ASH1L: variants seen among roughly 807,000 people sequenced by gnomAD.
The protein encoded by ASH1L is histone-lysine N-methyltransferase ASH1L.
ASH1L carries 23 observed loss-of-function variants against 269.0 expected under a neutral mutation model. The ratio of observed to expected loss-of-function variants is 0.09; its 90% CI spans 0.06 to 0.12. ASH1L has a LOEUF of 0.12. Among genes scored for constraint, ASH1L ranks in the 10% least tolerant of loss-of-function variants. ASH1L has a pLI of 1.00. For missense variants in ASH1L, 2,912 were observed against 3,567.8 expected, an observed-to-expected ratio of 0.82 and a Z score of 4.68; for synonymous variants, 1,187 against 1,253.5, an observed-to-expected ratio of 0.95 and a Z score of 1.12.
At chr1:155,395,056 C>A (rs1419051499) in intron 7 of ASH1L, among the ~76,000 whole-genome samples, 2 of 152,096 alleles carry the variant, frequency 1.3e-5, no homozygotes, top group African/African-American at 4.8e-5. Context: ...CTCACCTCAG[C>A]CTCCAGAGTG....
intron 3 of ASH1L, among the ~76,000 whole-genome samples, chr1:155,471,233 C>T (rs1665075184): frequency 6.6e-6 from 1 of 152,224 alleles, no homozygotes; most frequent in Non-Finnish European, 1.5e-5. Context: ...AAGAATATAG[C>T]TGGTCTTTGT....
intron 21 of ASH1L, 117 bp from the exon 22 acceptor site, chr1:155,344,390 G>T: frequency 2.7e-6 from 2 of 729,756 alleles, no homozygotes; most frequent in Non-Finnish European, 4.5e-6. Flanking sequence ...ATATACCACA[G>T]ATATACAAAA....
chr1:155,413,328 A>G (rs866580488), intron 6 of ASH1L, among the ~76,000 whole-genome samples: 5 of 152,034 alleles, frequency 3.3e-5, no homozygotes, highest in South Asian at 2.1e-4. Context: ...AGCATGGGCC[A>G]GGCATGGTGG....
Position 155,385,149 on chromosome 1 carries a change from T to A in ASH1L, c.6104-5033A>T, listed in dbSNP as rs546546278. On this transcript the variant is annotated intron_variant, in intron 7 of 27. Transcript: ENST00000392403. ...TGAGTCAGTTATAAAAATTCTAATT[T>A]AAAAAAATTATTGGCCAGGTGCAGT... Among the ~76,000 whole-genome samples, 8 of 152,254 alleles carry A rather than the reference T, an allele frequency of 5.3e-5. No individual in the cohort carries two copies. The East Asian group carries it at 5.8e-4, about 11-fold the overall frequency.
intron 4 of ASH1L, among the ~76,000 whole-genome samples, chr1:155,457,329 C>T (rs1009740192): frequency 3.9e-5 from 6 of 152,012 alleles, no homozygotes; most frequent in Admixed American, 3.9e-4. Context: ...TGATATAGTC[C>T]CCATTATTGC....
intron 3 of ASH1L, 101 bp downstream of exon 3, chr1:155,477,785 A>G: frequency 8.7e-7 from 1 of 1,153,770 alleles, no homozygotes; most frequent in Non-Finnish European, 1.1e-6. Context: ...TAAAAAACAA[A>G]AAAAGATATA....
intron 1 of ASH1L, among the ~76,000 whole-genome samples, chr1:155,547,142 AG>A (rs1481069598): frequency 6.6e-6 from 1 of 151,074 alleles, no homozygotes; most frequent in East Asian, 2.0e-4. Context: ...TAGTAGAGAC[AG>A]GGTTTTACCA....
intron 5 of ASH1L, among the ~76,000 whole-genome samples, chr1:155,426,056 TTTTA>T (rs552891071): frequency 2.6e-4 from 40 of 151,634 alleles, no homozygotes; most frequent in Admixed American, 1.3e-3. Context: ...GCCCGGCTAA[TTTTA>T]TTTATTTATT....
chr1:155,344,226 G>A lies in ASH1L; in HGVS notation c.7938C>T (p.Val2646=). 6 of 1,614,146 alleles carry A rather than the reference G, an allele frequency of 3.7e-6. No homozygotes were observed. Among genetic ancestry groups the A allele is most frequent in the Non-Finnish European group, 5.1e-6 (6 of 1,180,020 alleles). The change falls in exon 22 of 28, where the codon GTC becomes GTT. Residue 2646 remains valine (V), a synonymous_variant. Coordinates refer to ENST00000392403, the MANE Select transcript of ASH1L (RefSeq NM_018489.3). ...PRPHYAQPGC[V]YFICLLRDDL... is the part of the protein sequence containing the mutation. Reference sequence around the variant, plus strand: ...CATCTCGGAGCAAACAGATGAAGTAGACACAGCCAGGTTGGGCATAGTGGG... The same window carrying A: ...CATCTCGGAGCAAACAGATGAAGTAAACACAGCCAGGTTGGGCATAGTGGG...
At chr1:155,549,533 G>A (rs984582668) in intron 1 of ASH1L, among the ~76,000 whole-genome samples, 10 of 150,776 alleles carry the variant, frequency 6.6e-5, no homozygotes, top group East Asian at 5.9e-4. Context: ...GCTGAGGCAC[G>A]AGAATCACTT....
chr1:155,369,170 G>A (rs1289691249), intron 12 of ASH1L, among the ~76,000 whole-genome samples: 6 of 152,126 alleles, frequency 3.9e-5, no homozygotes, highest in South Asian at 2.1e-4. Context: ...CTAGACGGGC[G>A]CGGTGGCTCA....
At chr1:155,542,829 G>A (rs1180588544) in intron 1 of ASH1L, among the ~76,000 whole-genome samples, 4 of 151,150 alleles carry the variant, frequency 2.6e-5, no homozygotes, top group East Asian at 2.0e-4. Context: ...ACATGTGCCC[G>A]CCACCATGCC....
chr1:155,491,830 G>A (rs1033838102), intron 2 of ASH1L, among the ~76,000 whole-genome samples: 5 of 151,506 alleles, frequency 3.3e-5, no homozygotes, highest in African/African-American at 7.3e-5. Flanking sequence ...CCACCACCAC[G>A]TCTGGCTGAT....
intron 1 of ASH1L, among the ~76,000 whole-genome samples, chr1:155,545,315 A>G (rs2148897681): frequency 6.6e-6 from 1 of 151,036 alleles, no homozygotes; most frequent in Non-Finnish European, 1.5e-5. Context: ...AGTAATATTT[A>G]TACTATCCAT....
chr1:155,499,459 C>T (rs1338170008), intron 2 of ASH1L, among the ~76,000 whole-genome samples: 1 of 152,176 alleles, frequency 6.6e-6, no homozygotes, highest in Non-Finnish European at 1.5e-5. Context: ...ACTATGTACT[C>T]AGTGATTTTG....
In ASH1L at chr1:155,562,182, G is replaced by A. The variant is rs761380874; in HGVS notation, c.-129C>T. ...TCGGAGGCCGAGGCCGAGGCCGAGA[G>A]CGATGAGAGTGCAGGGAAGTGGGGA... On this transcript the variant is annotated 5_prime_UTR_variant, in exon 1 of 28. Transcript: ENST00000392403. The A allele has an allele frequency of 6.9e-6, 11 of 1,602,260 alleles. No individual in the cohort carries two copies. The highest frequency in any genetic ancestry group is 2.2e-5 in the East Asian group (1 of 44,698).
At chr1:155,378,195 G>C in intron 10 of ASH1L, 86 bp downstream of exon 10, 1 of 965,828 alleles carries the variant, frequency 1.0e-6, no homozygotes, top group Non-Finnish European at 1.6e-6. Flanking sequence ...AAAAATCAAA[G>C]AGCCTATTTA....
rs535998572 is a variant in ASH1L at position 155,436,390 on chromosome 1, C to T, written c.5828+1937G>A. ...ATTTTTAGTAGAGACGGGGTTTCTC[C>T]ATGTTGATCAGGCCGGTCTCGAACT... On this transcript the variant is annotated intron_variant, in intron 5 of 27. Transcript: ENST00000392403. 9.9e-5 allele frequency among the ~76,000 whole-genome samples: 15 copies of T among 151,076 alleles called. No individual in the cohort carries two copies. In the South Asian group the frequency reaches 3.2e-3, roughly 32 times the overall value.
At chr1:155,351,511 C>G (rs1048850348) in intron 17 of ASH1L, among the ~76,000 whole-genome samples, 1 of 151,506 alleles carries the variant, frequency 6.6e-6, no homozygotes, top group Non-Finnish European at 1.5e-5. Flanking sequence ...CAAGATTGCA[C>G]CACTGAACTC....
Sources: allele counts gnomAD v4.1 joint callset (sites outside exome capture counted in the v4.1 genomes callset), GRCh38; gene constraint gnomAD v4.1.1; transcripts MANE v1.5; gene names NCBI Gene and HGNC (gene_info 2026-07-23, HGNC 2026-07-21).